The following CLMP variants were observed in gnomAD, a reference collection of about 807,000 sequenced individuals.
The protein encoded by CLMP is CXADR-like membrane protein.
A neutral mutation model predicts 45.2 loss-of-function variants in CLMP; 27 were observed. The observed-to-expected ratio is 0.60, with a 90% confidence interval of 0.44 to 0.82. The LOEUF (loss-of-function observed/expected upper bound fraction) is 0.82, where lower values mean the gene tolerates loss of function less well. Ranked by LOEUF, CLMP falls within the 40% of genes least tolerant of loss-of-function variation. The pLI is 0.00. For synonymous variants in CLMP, 167 were observed against 171.4 expected, an observed-to-expected ratio of 0.97 and a Z score of 0.20; for missense variants, 403 against 448.4, an observed-to-expected ratio of 0.90 and a Z score of 0.91.
chr11:123,076,991 C>CTTTTTTTTT (rs869224079), intron 5 of CLMP, among the ~76,000 whole-genome samples: 380 of 99,526 alleles, frequency 3.8e-3, no homozygotes, highest in Non-Finnish European at 5.6e-3. Flanking sequence ...GCTATTTATT[C>CTTTTTTTTT]TTTTTTTTTT....
chr11:123,162,635 C>A (rs1321745741), intron 1 of CLMP, among the ~76,000 whole-genome samples: 1 of 151,884 alleles, frequency 6.6e-6, no homozygotes, highest in Non-Finnish European at 1.5e-5. Flanking sequence ...ATGGCTCACA[C>A]CTGTAATCCA....
intron 5 of CLMP, among the ~76,000 whole-genome samples, chr11:123,076,991 C>CTTTTT (rs869224079): frequency 7.3e-4 from 73 of 99,652 alleles, no homozygotes; most frequent in Non-Finnish European, 9.2e-4. Flanking sequence ...GCTATTTATT[C>CTTTTT]TTTTTTTTTT....
chr11:123,114,109 T>C (rs1463222260), intron 1 of CLMP, among the ~76,000 whole-genome samples: 1 of 152,178 alleles, frequency 6.6e-6, no homozygotes, highest in Non-Finnish European at 1.5e-5. Context: ...TTTTATTACC[T>C]TCGTCAGAGA....
chr11:123,083,557 G>T (rs1865828354), intron 4 of CLMP, 123 bp downstream of exon 4: 2 of 928,156 alleles, frequency 2.2e-6, no homozygotes, highest in South Asian at 1.4e-5. Context: ...TTTAAAAATG[G>T]CAGTTCAGGA....
rs371273734 is a variant in CLMP at position 123,142,314 on chromosome 11, C to A, written c.29-44362G>T. On this transcript the variant is annotated intron_variant, in intron 1 of 6. Coordinates refer to ENST00000448775, the MANE Select transcript of CLMP (RefSeq NM_024769.5). ...CTAGCCAAAATTCCTTAAGTTTGAC[C>A]TTGATTCTACATGTTGGGGATGGGG... 2.6e-5 allele frequency among the ~76,000 whole-genome samples: 4 copies of A among 152,000 alleles called. No homozygotes were observed. The East Asian group carries it at 7.8e-4, about 30-fold the overall frequency.
At chr11:123,122,933 A>T (rs571594562) in intron 1 of CLMP, among the ~76,000 whole-genome samples, 2 of 152,260 alleles carry the variant, frequency 1.3e-5, no homozygotes, top group African/African-American at 4.8e-5. Flanking sequence ...AAGTACACAA[A>T]TGCTCAGGAT....
chr11:123,075,747 G>A (rs1439663744), intron 5 of CLMP, among the ~76,000 whole-genome samples: 15 of 152,182 alleles, frequency 9.9e-5, no homozygotes, highest in Admixed American at 9.8e-4. Flanking sequence ...TGGGCTGGGA[G>A]AGAAATCATA....
chr11:123,140,894 C>T (rs548071749), intron 1 of CLMP, among the ~76,000 whole-genome samples: 128 of 152,186 alleles, frequency 8.4e-4, no homozygotes, highest in African/African-American at 3.0e-3. Context: ...GGGGTGGATC[C>T]CTCATGAATG....
At chr11:123,114,446 C>T (rs1860692020) in intron 1 of CLMP, among the ~76,000 whole-genome samples, 1 of 138,586 alleles carries the variant, frequency 7.2e-6, no homozygotes, top group Non-Finnish European at 1.6e-5. Flanking sequence ...CTCCCTCCCT[C>T]CCTCTCTCCC....
intron 1 of CLMP, among the ~76,000 whole-genome samples, chr11:123,185,275 A>C (rs1861818468): frequency 6.6e-6 from 1 of 151,974 alleles, no homozygotes; most frequent in Admixed American, 6.6e-5. Context: ...GGGAGAGAGG[A>C]AAAGGGGCAA....
intron 6 of CLMP, 27 bp downstream of exon 6, chr11:123,074,675 G>A (rs200294428): frequency 1.7e-5 from 28 of 1,610,516 alleles, no homozygotes; most frequent in African/African-American, 1.5e-4. Context: ...CAGAAGCCCC[G>A]TAAAAGTAGG....
chr11:123,094,819 A>G (rs575678642), intron 2 of CLMP, among the ~76,000 whole-genome samples: 1 of 152,212 alleles, frequency 6.6e-6, no homozygotes, highest in East Asian at 1.9e-4. Context: ...AAATTATTTA[A>G]GAGATAGAAT....
intron 1 of CLMP, among the ~76,000 whole-genome samples, chr11:123,184,752 GA>G (rs1861811477): frequency 6.6e-6 from 1 of 152,214 alleles, no homozygotes; most frequent in African/African-American, 2.4e-5. Context: ...ATTACTAAGT[GA>G]AAAGTGAATC....
intron 1 of CLMP, among the ~76,000 whole-genome samples, chr11:123,099,633 G>A (rs978535699): frequency 1.3e-5 from 2 of 152,078 alleles, no homozygotes; most frequent in Admixed American, 6.6e-5. Context: ...AGAGGAGGAG[G>A]AAAGGTGTTG....
At chr11:123,092,091 C>T (rs1410292357) in intron 2 of CLMP, among the ~76,000 whole-genome samples, 1 of 152,028 alleles carries the variant, frequency 6.6e-6, no homozygotes, top group African/African-American at 2.4e-5. Context: ...TATATAAGGC[C>T]TCAAGATCAA....
At chr11:123,117,075 A>G (rs892088135) in intron 1 of CLMP, among the ~76,000 whole-genome samples, 1 of 152,088 alleles carries the variant, frequency 6.6e-6, no homozygotes, top group East Asian at 1.9e-4. Context: ...ATGGTGAAAC[A>G]CCATCTCTAC....
At chr11:123,118,949 CTTTCTTTCTTTCTTTCT>C (rs1860757721) in intron 1 of CLMP, among the ~76,000 whole-genome samples, 5 of 22,330 alleles carry the variant, frequency 2.2e-4, no homozygotes, top group African/African-American at 8.5e-4. Context: ...TTCTTTCTTT[CTTTCTTTCTTTCTTTCT>C]TTCTTTCTTT....
At chr11:123,109,424 G>T (rs1313800740) in intron 1 of CLMP, among the ~76,000 whole-genome samples, 1 of 152,118 alleles carries the variant, frequency 6.6e-6, no homozygotes, top group African/African-American at 2.4e-5. Flanking sequence ...GAAGACTGAG[G>T]ATGACCACAC....
chr11:123,166,992 C>T (rs1283129154), intron 1 of CLMP, among the ~76,000 whole-genome samples: 1 of 152,028 alleles, frequency 6.6e-6, no homozygotes, highest in Non-Finnish European at 1.5e-5. Flanking sequence ...TAATGTGGAT[C>T]ATTGTGTTCT....
Sources: gnomAD v4.1 joint callset for allele counts (sites outside exome capture counted in the v4.1 genomes callset) on GRCh38, gnomAD v4.1.1 for gene constraint, MANE v1.5 for transcripts, NCBI Gene and HGNC (gene_info 2026-07-23, HGNC 2026-07-21) for gene names.